Variants in CDH23 observed in about 807,000 individuals in gnomAD.
The protein encoded by CDH23 is cadherin related 23.
Under a neutral mutation model 317.1 loss-of-function variants are expected in CDH23, and 189 were observed. That is an observed-to-expected ratio of 0.60 (90% CI 0.53 to 0.67). The LOEUF is 0.67. Ranked by LOEUF, CDH23 falls within the 30% of genes least tolerant of loss-of-function variation. The pLI, the probability that CDH23 is intolerant of heterozygous loss-of-function variation, is 0.00. For synonymous variants in CDH23, 1,839 were observed against 1,876.8 expected, an observed-to-expected ratio of 0.98 and a Z score of 0.52; for missense variants, 4,401 against 4,592.4, an observed-to-expected ratio of 0.96 and a Z score of 1.20.
rs375832372 is a variant in CDH23, at chr10:71,440,848, G to A, written c.67+950G>A. On this transcript the variant is annotated intron_variant, in intron 2 of 69. Coordinates refer to ENST00000224721, the MANE Select transcript of CDH23 (RefSeq NM_022124.6). ...GGGCATGGTGTACCTGGTGACACACGCAAACACATTCCTGTGGGGGGCCAG... is the reference window on the plus strand; with the variant it reads ...GGGCATGGTGTACCTGGTGACACACACAAACACATTCCTGTGGGGGGCCAG... Among the ~76,000 whole-genome samples the A allele has an allele frequency of 3.7e-4, 56 of 152,294 alleles. No homozygotes were observed. In the South Asian group the frequency reaches 0.011, roughly 29 times the overall value.
chr10:71,702,835 G>A (rs1865643505), intron 24 of CDH23, 141 bp downstream of exon 24: 2 of 927,406 alleles, frequency 2.2e-6, no homozygotes, highest in South Asian at 1.5e-5. Context: ...GAGATGTGGA[G>A]GGAAGTGTGG....
intron 9 of CDH23, among the ~76,000 whole-genome samples, chr10:71,581,593 C>T (rs1283332536): frequency 6.6e-6 from 1 of 152,264 alleles, no homozygotes; most frequent in Non-Finnish European, 1.5e-5. Context: ...AACAAAGAGG[C>T]CTTCAGCACT....
At chr10:71,812,186 G>T in intron 66 of CDH23, 171 bp downstream of exon 66, 1 of 1,581,276 alleles carries the variant, frequency 6.3e-7, no homozygotes, top group African/African-American at 1.3e-5. Flanking sequence ...AAACCACGTG[G>T]CTGACAGGGG....
intron 1 of CDH23, among the ~76,000 whole-genome samples, chr10:71,419,189 T>C (rs1409666425): frequency 6.6e-6 from 1 of 152,164 alleles, no homozygotes; most frequent in Non-Finnish European, 1.5e-5. Context: ...CCTCCCTCTA[T>C]GGCTCCCTTC....
intron 15 of CDH23, among the ~76,000 whole-genome samples, chr10:71,675,545 C>G (rs974057622): frequency 5.3e-5 from 8 of 152,218 alleles, no homozygotes; most frequent in African/African-American, 1.9e-4. Flanking sequence ...GCTTCACAGG[C>G]ATTGTCTTGT....
At chr10:71,441,736 GA>G (rs67107908) in intron 2 of CDH23, among the ~76,000 whole-genome samples, 56,791 of 149,270 alleles carry the variant, frequency 0.38, 11,478 homozygotes, top group Non-Finnish European at 0.45. Context: ...AAAGAAAAAA[GA>G]AAAAAAAAAA....
At chr10:71,481,333 C>A (rs1319704515) in intron 3 of CDH23, among the ~76,000 whole-genome samples, 1 of 152,188 alleles carries the variant, frequency 6.6e-6, no homozygotes, top group African/African-American at 2.4e-5. Context: ...TTAACTGGGC[C>A]TTCCCTGGAA....
At chr10:71,804,806 A>T (rs1841661951) in intron 55 of CDH23, among the ~76,000 whole-genome samples, 1 of 151,986 alleles carries the variant, frequency 6.6e-6, no homozygotes, top group African/African-American at 2.4e-5. Context: ...TTTTAACTTG[A>T]TCAATCTTGT....
chr10:71,587,366 T>C (rs1315744653), intron 9 of CDH23, among the ~76,000 whole-genome samples: 1 of 152,242 alleles, frequency 6.6e-6, no homozygotes, highest in Non-Finnish European at 1.5e-5. Flanking sequence ...TTCATTCAGC[T>C]AGCCAGTGAG....
intron 6 of CDH23, among the ~76,000 whole-genome samples, chr10:71,534,685 C>T (rs1466883816): frequency 6.6e-6 from 1 of 152,200 alleles, no homozygotes; most frequent in Non-Finnish European, 1.5e-5. Flanking sequence ...TGTTCGACCC[C>T]GTGACATTTT....
Position 71,779,295 on chromosome 10 carries a change from A to G in CDH23, c.5216A>G (p.Asp1739Gly). 6.2e-7 allele frequency: 1 copy of G among 1,613,998 alleles called. No homozygotes were observed. The highest frequency in any genetic ancestry group is 1.3e-5 in the African/African-American group (1 of 75,052). The change falls in exon 41 of 70, where the codon GAC becomes GGC. Residue 1739 changes from aspartate to glycine, a missense_variant. Around this residue, in one of 3 missense-constraint regions of CDH23, gnomAD observed 3,068 missense variants for 3,203.3 expected, o/e 0.96. Transcript: ENST00000224721. ...TVLVNVNDIN[D>G]NVPTFPRDYE... Reference sequence around the variant, plus strand: ...CTTGTGAATGTGAATGACATCAACGACAATGTGCCTACCTTCCCCCGGGAC... The same window carrying G: ...CTTGTGAATGTGAATGACATCAACGGCAATGTGCCTACCTTCCCCCGGGAC...
chr10:71,540,190 C>T (rs1023687376), intron 6 of CDH23, among the ~76,000 whole-genome samples: 3 of 152,130 alleles, frequency 2.0e-5, no homozygotes, highest in East Asian at 1.9e-4. Flanking sequence ...TGGAGGGGGC[C>T]GAGGCTCACG....
At chr10:71,752,185 G>C (rs1840021836) in intron 38 of CDH23, 1 of 463,886 alleles carries the variant, frequency 2.2e-6, no homozygotes, top group African/African-American at 2.0e-5. Context: ...AGGAATTTGG[G>C]GACAAGTTTC....
chr10:71,510,262 G>T, intron 4 of CDH23, 38 bp downstream of exon 4: 1 of 1,601,656 alleles, frequency 6.2e-7, no homozygotes. Flanking sequence ...ATTCTCTCCT[G>T]GGGACAGGAG....
rs559335853 is a variant in CDH23, at chr10:71,697,502, C to T, written c.2397+1977C>T. Among the ~76,000 whole-genome samples the T allele has an allele frequency of 3.4e-4, 52 of 152,262 alleles. No homozygotes were observed. In the South Asian group the frequency reaches 0.011, roughly 31 times the overall value. ...TGGGCAACATAGTAAGATCCCCACC[C>T]CCTTTATAAAATTTTTTTTAAGTAG... is the stretch of plus-strand genomic sequence containing the variant. On this transcript the variant is annotated intron_variant, in intron 22 of 69. Coordinates refer to ENST00000224721, the MANE Select transcript of CDH23 (RefSeq NM_022124.6).
chr10:71,796,977 G>A, intron 48 of CDH23, 127 bp from the exon 49 acceptor site: 1 of 650,396 alleles, frequency 1.5e-6, no homozygotes, highest in South Asian at 1.7e-5. Context: ...CCAGCCACAA[G>A]TCCCAGATTC....
intron 36 of CDH23, among the ~76,000 whole-genome samples, chr10:71,740,504 C>A (rs562245476): frequency 6.6e-6 from 1 of 152,364 alleles, no homozygotes; most frequent in South Asian, 2.1e-4. Context: ...CAAAGGCTGG[C>A]ACAGCCCAGA....
chr10:71,815,220 C>A lies in CDH23; in HGVS notation c.10007C>A (p.Pro3336His), dbSNP rs727504532. 3 of 1,601,440 alleles carry A rather than the reference C, an allele frequency of 1.9e-6. No individual in the cohort carries two copies. Among genetic ancestry groups the A allele is most frequent in the Non-Finnish European group, 2.6e-6 (3 of 1,170,700 alleles). ...NARTESAKSTPLHKLRDVIME... is the reference protein window; with the variant it reads ...NARTESAKSTHLHKLRDVIME... ...CGCACAGAATCCGCCAAATCCACACCCCTGCACAAACTTCGCGACGTGATC... is the reference window on the plus strand; with the variant it reads ...CGCACAGAATCCGCCAAATCCACACACCTGCACAAACTTCGCGACGTGATC... The change falls in exon 70 of 70, where the codon CCC (proline) becomes CAC (histidine). Residue 3336 changes from proline to histidine, a missense_variant. This residue lies in a region of CDH23 where 1,144 missense variants were observed against 1,138.2 expected (regional missense o/e 1.01). Transcript: ENST00000224721.
chr10:71,433,147 C>T (rs1300952779), intron 1 of CDH23, among the ~76,000 whole-genome samples: 1 of 152,196 alleles, frequency 6.6e-6, no homozygotes, highest in African/African-American at 2.4e-5. Context: ...CCTCACCACT[C>T]ACACAACACC....
Sources: allele counts gnomAD v4.1 joint callset (sites outside exome capture counted in the v4.1 genomes callset), GRCh38; gene constraint gnomAD v4.1.1; regional missense constraint gnomAD v4.1.1; transcripts MANE v1.5; gene names NCBI Gene and HGNC (gene_info 2026-07-23, HGNC 2026-07-21).